Variants in TMEM163 observed in about 807,000 individuals in gnomAD.
TMEM163 encodes the protein transmembrane protein 163.
TMEM163 carries 17 observed loss-of-function variants against 29.3 expected under a neutral mutation model. The ratio of observed to expected loss-of-function variants is 0.58; its 90% CI spans 0.40 to 0.87. The LOEUF (loss-of-function observed/expected upper bound fraction) is 0.87, where lower values mean the gene tolerates loss of function less well. Among genes scored for constraint, TMEM163 ranks in the 40% least tolerant of loss-of-function variants. The pLI is 0.00. For synonymous variants in TMEM163, 157 were observed against 160.6 expected, an observed-to-expected ratio of 0.98 and a Z score of 0.17; for missense variants, 303 against 381.5, an observed-to-expected ratio of 0.79 and a Z score of 1.71.
rs1685102434 is a variant in TMEM163, at chr2:134,718,919, C to T, written c.17G>A (p.Gly6Asp). 9.4e-7 allele frequency: 1 copy of T among 1,061,212 alleles called. No individual in the cohort carries two copies. The highest frequency in any genetic ancestry group is 1.1e-6 in the Non-Finnish European group (1 of 880,884). 65.7% of individuals were successfully genotyped at this position (1,061,212 alleles called of 1,614,324 possible). A position where few individuals can be genotyped will look rare whatever the true frequency, so the allele number is the denominator to read the frequency against. ...CCCCTGGGAGCTGCGGCGCTGGATGCCCGCGGCCGGCTCCATGGCGCGGGG... is the reference window on the plus strand; with the variant it reads ...CCCCTGGGAGCTGCGGCGCTGGATGTCCGCGGCCGGCTCCATGGCGCGGGG... The part of the protein sequence containing the change: MEPAA[G>D]IQRRSSQGPT... The change falls in exon 1 of 8, where the codon GGC becomes GAC. Residue 6 changes from glycine (G) to aspartate (D), a missense_variant. Physicochemically the swap from Gly to Asp is moderately conservative, Grantham distance 94 (BLOSUM62 -1). This residue lies in a region of TMEM163 where 100 missense variants were observed against 87.2 expected (regional missense o/e 1.15). Coordinates refer to ENST00000281924, the MANE Select transcript of TMEM163 (RefSeq NM_030923.5).
intron 7 of TMEM163, 117 bp downstream of exon 7, chr2:134,457,915 G>A: frequency 6.6e-7 from 1 of 1,509,486 alleles, no homozygotes; most frequent in Non-Finnish European, 9.0e-7. Context: ...AGGCTCAGGA[G>A]GGGCACAGGT....
At position 134,713,326 on chromosome 2, in the gene TMEM163, A is replaced by T; in HGVS notation, c.203-7T>A. On this transcript the variant is annotated splice_region_variant and splice_polypyrimidine_tract_variant and intron_variant, in intron 1 of 7. Coordinates refer to ENST00000281924, the MANE Select transcript of TMEM163 (RefSeq NM_030923.5). ...GTGCTGCTTTCTAGTAAGCCTGACA[A>T]AAACAAGGAGAAAGGGAAGTTAGAC... The T allele has an allele frequency of 1.2e-6, 2 of 1,613,350 alleles. No homozygotes were observed. Among genetic ancestry groups the T allele is most frequent in the Non-Finnish European group, 1.7e-6 (2 of 1,179,844 alleles).
At chr2:134,714,376 C>T (rs372058409) in intron 1 of TMEM163, among the ~76,000 whole-genome samples, 23 of 152,308 alleles carry the variant, frequency 1.5e-4, no homozygotes, top group East Asian at 1.2e-3. Context: ...GTAATGAAAG[C>T]TCAGGTACCA....
rs1171953438 is a variant in TMEM163 at position 134,465,196 on chromosome 2, A to AAAAAAAAAAAAC, written c.667+917_667+918insGTTTTTTTTTTT. On this transcript the variant is annotated intron_variant, in intron 6 of 7. Transcript: ENST00000281924. ...ATGGTGAGTCCGCATCTTTAAAAAA[A>AAAAAAAAAAAAC]AAAAAAACAAAAACAAAACAAAAAT... is the stretch of plus-strand genomic sequence containing the variant. 9.3e-5 allele frequency among the ~76,000 whole-genome samples: 13 copies of AAAAAAAAAAAAC among 139,690 alleles called. No individual in the cohort carries two copies. The East Asian group carries it at 2.6e-3, about 28-fold the overall frequency. 91.6% of individuals were successfully genotyped at this position (139,690 alleles called of 152,430 possible).
intron 6 of TMEM163, among the ~76,000 whole-genome samples, chr2:134,464,608 TG>T (rs756340105): frequency 6.6e-6 from 1 of 152,090 alleles, no homozygotes; most frequent in Non-Finnish European, 1.5e-5. Flanking sequence ...GGTGAAAAGC[TG>T]GGGGCGTCCT....
At chr2:134,656,172 T>C (rs1380858705) in intron 2 of TMEM163, among the ~76,000 whole-genome samples, 1 of 145,578 alleles carries the variant, frequency 6.9e-6, no homozygotes, top group Non-Finnish European at 1.5e-5. Context: ...CAGTTTGATC[T>C]CAGACTGCTG....
intron 5 of TMEM163, among the ~76,000 whole-genome samples, chr2:134,493,362 C>CTTTT (rs1159013721): frequency 0.013 from 651 of 49,846 alleles, 216 homozygotes; most frequent in African/African-American, 0.046. Flanking sequence ...CTTTTGGTGT[C>CTTTT]TTTTTTTTTT....
chr2:134,708,365 T>C (rs1409727573), intron 2 of TMEM163, among the ~76,000 whole-genome samples: 1 of 152,174 alleles, frequency 6.6e-6, no homozygotes, highest in African/African-American at 2.4e-5. Context: ...TTTCATTTTA[T>C]CCATCTCTCA....
chr2:134,707,755 T>C (rs1374635975), intron 2 of TMEM163, among the ~76,000 whole-genome samples: 3 of 151,918 alleles, frequency 2.0e-5, no homozygotes, highest in Non-Finnish European at 4.4e-5. Context: ...GTGAGGCCTC[T>C]TTGGGGAGGG....
At chr2:134,706,686 C>T (rs913176111) in intron 2 of TMEM163, among the ~76,000 whole-genome samples, 44 of 152,204 alleles carry the variant, frequency 2.9e-4, no homozygotes, top group East Asian at 1.4e-3. Context: ...AGAGCAGGTA[C>T]GTGGGTTTGG....
At chr2:134,683,151 A>C (rs905751475) in intron 2 of TMEM163, among the ~76,000 whole-genome samples, 13 of 152,256 alleles carry the variant, frequency 8.5e-5, no homozygotes, top group Non-Finnish European at 1.2e-4. Context: ...GATACTCTAC[A>C]TGATACTATA....
At chr2:134,551,912 G>T in intron 3 of TMEM163, 136 bp downstream of exon 3, 1 of 658,470 alleles carries the variant, frequency 1.5e-6, no homozygotes, top group Non-Finnish European at 2.6e-6. Context: ...TTTAATAGAA[G>T]TGGGTTTCCA....
intron 2 of TMEM163, among the ~76,000 whole-genome samples, chr2:134,642,302 T>C (rs967551391): frequency 3.3e-5 from 5 of 152,098 alleles, no homozygotes; most frequent in African/African-American, 1.2e-4. Flanking sequence ...CAAATTTTTG[T>C]ATTTTTTAGT....
chr2:134,533,398 C>G (rs2106500029), intron 4 of TMEM163, among the ~76,000 whole-genome samples: 1 of 152,308 alleles, frequency 6.6e-6, no homozygotes, highest in East Asian at 1.9e-4. Flanking sequence ...GGGTGTGCAT[C>G]ACACTTTATT....
chr2:134,514,383 C>A, intron 4 of TMEM163, among the ~76,000 whole-genome samples: 1 of 125,590 alleles, frequency 8.0e-6, no homozygotes, highest in Admixed American at 7.9e-5. Context: ...TACTGATGAT[C>A]TTTTTTTTTT....
chr2:134,592,446 T>C (rs796714653), intron 2 of TMEM163, among the ~76,000 whole-genome samples: 13 of 152,334 alleles, frequency 8.5e-5, no homozygotes, highest in African/African-American at 3.1e-4. Flanking sequence ...CTTCAGGGCC[T>C]ATCTGTCAAG....
chr2:134,560,297 A>G (rs1312828755), intron 2 of TMEM163, among the ~76,000 whole-genome samples: 1 of 152,166 alleles, frequency 6.6e-6, no homozygotes, highest in African/African-American at 2.4e-5. Flanking sequence ...GAATATATAC[A>G]CCACAAAGGC....
At chr2:134,577,910 G>C (rs1194808788) in intron 2 of TMEM163, among the ~76,000 whole-genome samples, 1 of 152,172 alleles carries the variant, frequency 6.6e-6, no homozygotes, top group Non-Finnish European at 1.5e-5. Context: ...AGTACATCTA[G>C]AGGTGATTTA....
chr2:134,559,967 T>A (rs1235471228), intron 2 of TMEM163, among the ~76,000 whole-genome samples: 1 of 151,980 alleles, frequency 6.6e-6, no homozygotes, highest in Non-Finnish European at 1.5e-5. Context: ...TGTTCTCTGA[T>A]CTCCTCTTCT....
Sources: gnomAD v4.1 joint callset for allele counts (sites outside exome capture counted in the v4.1 genomes callset) on GRCh38, gnomAD v4.1.1 for gene constraint, gnomAD v4.1.1 regional missense constraint, MANE v1.5 for transcripts, NCBI Gene and HGNC (gene_info 2026-07-23, HGNC 2026-07-21) for gene names.